The following SLC5A11 variants were observed in gnomAD, a reference collection of about 807,000 sequenced individuals.
SLC5A11 encodes solute carrier family 5 member 11.
A neutral mutation model predicts 69.8 loss-of-function variants in SLC5A11; 48 were observed. That is an observed-to-expected ratio of 0.69 (90% CI 0.55 to 0.87). SLC5A11 has a LOEUF of 0.87. Ranked by LOEUF, SLC5A11 falls within the 40% of genes least tolerant of loss-of-function variation. SLC5A11 has a pLI of 0.00. For missense variants in SLC5A11, 784 were observed against 866.1 expected, an observed-to-expected ratio of 0.91 and a Z score of 1.19; for synonymous variants, 319 against 342.4, an observed-to-expected ratio of 0.93 and a Z score of 0.75.
chr16:24,898,922 T>A (rs948283360), intron 10 of SLC5A11, among the ~76,000 whole-genome samples: 9 of 152,110 alleles, frequency 5.9e-5, no homozygotes, highest in African/African-American at 2.2e-4. Context: ...GCTGAAGGGA[T>A]CCTTTCGCCT....
intron 11 of SLC5A11, 126 bp from the exon 13 acceptor site, chr16:24,906,899 C>T: frequency 2.8e-6 from 4 of 1,439,634 alleles, no homozygotes; most frequent in Non-Finnish European, 3.8e-6. Context: ...CCAAGAAAGG[C>T]TACGTCCTGC....
At chr16:24,862,703 T>G in intron 3 of SLC5A11, 31 bp downstream of exon 4, 1 of 1,593,648 alleles carries the variant, frequency 6.3e-7, no homozygotes, top group Non-Finnish European at 8.6e-7. Flanking sequence ...TTAAAGTCAC[T>G]TCTTAAAGAA....
chr16:24,869,370 C>T (rs1361698546), intron 3 of SLC5A11, among the ~76,000 whole-genome samples: 1 of 152,184 alleles, frequency 6.6e-6, no homozygotes, highest in Admixed American at 6.5e-5. Flanking sequence ...ATTTGCTCAG[C>T]TTGGGCCAGG....
Position 24,858,902 on chromosome 16 carries a change from G to T in SLC5A11, c.135+124G>T. The T allele has an allele frequency of 4.0e-6, 5 of 1,253,738 alleles. No individual in the cohort carries two copies. The South Asian group carries it at 1.0e-4, about 26-fold the overall frequency. 77.7% of individuals were successfully genotyped at this position (1,253,738 alleles called of 1,614,324 possible). ...TGTGAGAGGAAGAAACTAACACAAG[G>T]TTATAGAGTAATCAGAACTTAAAAA... is the stretch of plus-strand genomic sequence containing the variant. On this transcript the variant is annotated intron_variant, in intron 2 of 15. Coordinates refer to ENST00000347898, the Ensembl canonical transcript of SLC5A11.
chr16:24,906,172 C>T (rs1478728972), intron 10 of SLC5A11, among the ~76,000 whole-genome samples: 1 of 151,972 alleles, frequency 6.6e-6, no homozygotes, highest in East Asian at 1.9e-4. Flanking sequence ...AAAACCCCAT[C>T]TCTACTAAAA....
rs541619199 is a variant in SLC5A11 at position 24,883,659 on chromosome 16, G to T, written c.584-392G>T. 6.6e-5 allele frequency among the ~76,000 whole-genome samples: 10 copies of T among 152,344 alleles called. No homozygotes were observed. The East Asian group carries it at 1.5e-3, about 23-fold the overall frequency. ...GGTGTTAGCTTGGGCTGTCGACTGG[G>T]CTTCCCCTCCGTGGGGGCCCTCTTC... On this transcript the variant is annotated intron_variant, in intron 7 of 15. Transcript: ENST00000347898.
At chr16:24,886,834 G>T (rs1031531381) in intron 8 of SLC5A11, among the ~76,000 whole-genome samples, 3 of 152,130 alleles carry the variant, frequency 2.0e-5, no homozygotes, top group Non-Finnish European at 4.4e-5. Flanking sequence ...GTGGTCTCAG[G>T]TGGGGACTGG....
rs937240306 is a variant in SLC5A11, at chr16:24,857,139, C to A, written c.-24-1481C>A. ...CCGGCCAAGGTGTACAGCTTCGGAG[C>A]CTGAATTCTTAACATCTCTCCCCAT... On this transcript the variant is annotated intron_variant, in intron 1 of 15. Transcript: ENST00000347898. Among the ~76,000 whole-genome samples, 5 of 152,280 alleles carry A rather than the reference C, an allele frequency of 3.3e-5. 1 individual carries two copies. Among genetic ancestry groups the A allele is most frequent in the Admixed American group, 1.3e-4 (2 of 15,292 alleles).
At chr16:24,905,457 T>A (rs920923767) in intron 10 of SLC5A11, among the ~76,000 whole-genome samples, 1 of 150,386 alleles carries the variant, frequency 6.6e-6, no homozygotes, top group African/African-American at 2.4e-5. Flanking sequence ...AAAATAAAAA[T>A]AAAAATAAAA....
chr16:24,873,983 C>T (rs369853248), intron 5 of SLC5A11, among the ~76,000 whole-genome samples: 3 of 151,992 alleles, frequency 2.0e-5, no homozygotes, highest in Non-Finnish European at 4.4e-5. Flanking sequence ...CACACCACCA[C>T]GCCCGACTAC....
intron 14 of SLC5A11, among the ~76,000 whole-genome samples, chr16:24,909,643 CAAAAAAAAAA>C (rs35334841): frequency 2.0e-5 from 1 of 48,906 alleles, no homozygotes; most frequent in Non-Finnish European, 3.5e-5. Context: ...CCCTGTCTCA[CAAAAAAAAAA>C]AAAAAAAAAA....
chr16:24,859,657 T>C (rs959134171), intron 2 of SLC5A11, among the ~76,000 whole-genome samples: 2 of 152,212 alleles, frequency 1.3e-5, no homozygotes, highest in Non-Finnish European at 2.9e-5. Flanking sequence ...AGGTAGCTTA[T>C]ACTGTTTTTT....
At chr16:24,906,923 C>T (rs1380996195) in intron 11 of SLC5A11, 102 bp from the exon 13 acceptor site, 7 of 1,505,998 alleles carry the variant, frequency 4.6e-6, no homozygotes, top group Non-Finnish European at 6.3e-6. Flanking sequence ...AAGCTCTGCC[C>T]CGCCGTCCTC....
At chr16:24,860,251 C>T (rs1347145558) in intron 2 of SLC5A11, among the ~76,000 whole-genome samples, 1 of 152,098 alleles carries the variant, frequency 6.6e-6, no homozygotes, top group African/African-American at 2.4e-5. Context: ...CGTGCCACTG[C>T]ACTCCAGCCT....
chr16:24,911,259 T>C, intron 15 of SLC5A11, 69 bp from the exon 17 acceptor site: 1 of 1,440,924 alleles, frequency 6.9e-7, no homozygotes, highest in Non-Finnish European at 9.7e-7. Flanking sequence ...ATCTGGTGAG[T>C]GTCCCTGTCT....
rs1215142637 is a variant in SLC5A11 at position 24,898,581 on chromosome 16, C to T, written c.1006+472C>T. On this transcript the variant is annotated intron_variant, in intron 10 of 15. Transcript: ENST00000347898. The stretch of plus-strand genomic sequence containing the variant: ...TCGCCCAGGCTGGAGTGCAGTGGCA[C>T]GATCTTGGCTCACTGCAAGCTCTGC... 4.7e-5 allele frequency among the ~76,000 whole-genome samples: 7 copies of T among 149,058 alleles called. No homozygotes were observed. In the East Asian group the frequency reaches 1.2e-3, roughly 25 times the overall value.
intron 1 of SLC5A11, among the ~76,000 whole-genome samples, chr16:24,850,858 T>A (rs73553405): frequency 0.019 from 2,881 of 151,952 alleles, 77 homozygotes; most frequent in African/African-American, 0.052. Context: ...TCACCCAGGC[T>A]AGAGTGCAGT....
intron 14 of SLC5A11, 42 bp downstream of exon 15, chr16:24,909,138 T>G: frequency 6.3e-7 from 1 of 1,595,854 alleles, no homozygotes; most frequent in South Asian, 1.1e-5. Flanking sequence ...GACTTTTTGT[T>G]GGAAGTGACA....
chr16:24,889,043 C>T (rs779982443), intron 8 of SLC5A11, among the ~76,000 whole-genome samples: 25 of 151,982 alleles, frequency 1.6e-4, no homozygotes, highest in African/African-American at 4.3e-4. Flanking sequence ...GTGATGCACC[C>T]GCGTTGGCCT....
Sources: allele counts gnomAD v4.1 joint callset (sites outside exome capture counted in the v4.1 genomes callset), GRCh38; gene constraint gnomAD v4.1.1; transcripts MANE v1.5; gene names NCBI Gene and HGNC (gene_info 2026-07-23, HGNC 2026-07-21).